STARD6: variants seen among roughly 807,000 people sequenced by gnomAD.
STARD6 encodes stAR-related lipid transfer protein 6.
In STARD6, 21 loss-of-function variants were observed where a neutral mutation model predicts 22.3. The observed-to-expected ratio is 0.94, with a 90% CI of 0.67 to 1.35. The LOEUF is 1.35. Ranked by LOEUF, STARD6 falls within the 40% of genes most tolerant of loss-of-function variation. STARD6 has a pLI of 0.00. For missense variants in STARD6, 269 were observed against 266.9 expected (o/e 1.01, Z -0.05); for synonymous variants, 80 against 88.1 (o/e 0.91, Z 0.52).
intron 5 of STARD6, among the ~76,000 whole-genome samples, chr18:54,332,337 C>T (rs995284267): frequency 6.6e-6 from 1 of 152,192 alleles, no homozygotes; most frequent in African/African-American, 2.4e-5. Flanking sequence ...CTTGAATGGC[C>T]TAACTGCACA....
intron 4 of STARD6, among the ~76,000 whole-genome samples, chr18:54,353,363 A>G (rs1455273172): frequency 6.6e-6 from 1 of 152,224 alleles, no homozygotes; most frequent in East Asian, 1.9e-4. Flanking sequence ...ACAGAAAAAA[A>G]TGCATATTTA....
intron 4 of STARD6, among the ~76,000 whole-genome samples, chr18:54,340,489 CAG>C (rs1391692045): frequency 6.6e-6 from 1 of 151,928 alleles, no homozygotes; most frequent in Non-Finnish European, 1.5e-5. Flanking sequence ...AGTAAAAGAA[CAG>C]AGGAACAAAA....
intron 4 of STARD6, among the ~76,000 whole-genome samples, chr18:54,351,160 G>A (rs779670759): frequency 1.3e-5 from 2 of 152,122 alleles, no homozygotes; most frequent in Non-Finnish European, 2.9e-5. Flanking sequence ...TCTTTCAGCA[G>A]TGTTTTGCAG....
intron 5 of STARD6, among the ~76,000 whole-genome samples, chr18:54,332,634 T>C (rs1451099515): frequency 2.0e-5 from 3 of 152,230 alleles, no homozygotes; most frequent in Non-Finnish European, 4.4e-5. Flanking sequence ...TAATGATTAA[T>C]AAACTTCAGT....
chr18:54,337,271 G>A lies in STARD6; in HGVS notation c.141-20C>T. ...CGATATCTACAGTTAACAAAATAAA[G>A]AAAATTCAAAGCTTAAAAAGTTTAG... On this transcript the variant is annotated intron_variant, in intron 4 of 7. Coordinates refer to ENST00000307844, the MANE Select transcript of STARD6 (RefSeq NM_139171.2). 1.2e-6 allele frequency: 2 copies of A among 1,601,298 alleles called. No individual in the cohort carries two copies. The highest frequency in any genetic ancestry group is 1.7e-6 in the Non-Finnish European group (2 of 1,175,018).
chr18:54,337,648 TATA>T (rs1050675320), intron 4 of STARD6, among the ~76,000 whole-genome samples: 2 of 152,188 alleles, frequency 1.3e-5, no homozygotes, highest in Non-Finnish European at 2.9e-5. Flanking sequence ...GCTCTTGTGC[TATA>T]ATGACAGAAT....
Position 54,351,259 on chromosome 18 carries a change from T to G in STARD6, c.140+2795A>C, listed in dbSNP as rs537385849. ...AGTGGTTGAAAAAGGGGTTGAATTC[T>G]TTATTTCATTCTCAGCTTGGTCACT... On this transcript the variant is annotated intron_variant, in intron 4 of 7. Coordinates refer to ENST00000307844, the MANE Select transcript of STARD6 (RefSeq NM_139171.2). 3.3e-5 allele frequency among the ~76,000 whole-genome samples: 5 copies of G among 152,346 alleles called. No individual in the cohort carries two copies. In the South Asian group the frequency reaches 1.0e-3, roughly 32 times the overall value.
At chr18:54,336,812 A>T (rs1187264656) in intron 5 of STARD6, among the ~76,000 whole-genome samples, 4 of 152,228 alleles carry the variant, frequency 2.6e-5, no homozygotes, top group African/African-American at 9.6e-5. Flanking sequence ...ACTTCCCATC[A>T]ATAAGGCATA....
chr18:54,339,782 A>G (rs1274127375), intron 4 of STARD6, among the ~76,000 whole-genome samples: 2 of 152,240 alleles, frequency 1.3e-5, no homozygotes, highest in Non-Finnish European at 2.9e-5. Context: ...ATCCTTACAA[A>G]TAAAGAGTTA....
chr18:54,326,358 G>T (rs1007281157), intron 7 of STARD6, among the ~76,000 whole-genome samples: 5 of 138,738 alleles, frequency 3.6e-5, no homozygotes, highest in Non-Finnish European at 7.6e-5. Flanking sequence ...TTGAGACGGG[G>T]TCTCACTCTG....
At chr18:54,328,655 C>A (rs1555680059) in intron 7 of STARD6, among the ~76,000 whole-genome samples, 1 of 150,364 alleles carries the variant, frequency 6.7e-6, no homozygotes, top group Non-Finnish European at 1.5e-5. Flanking sequence ...TTTTTTTGTA[C>A]TGAGACATTT....
Position 54,346,435 on chromosome 18 carries a change from T to C in STARD6, c.140+7619A>G, listed in dbSNP as rs527816404. ...AAATGTTGCTGAAGAGGTGGAGAAATTGGAACCTACATACACTGCTGTTAG... is the reference window on the plus strand; with the variant it reads ...AAATGTTGCTGAAGAGGTGGAGAAACTGGAACCTACATACACTGCTGTTAG... On this transcript the variant is annotated intron_variant, in intron 4 of 7. Transcript: ENST00000307844. Among the ~76,000 whole-genome samples, 301 of 151,950 alleles carry C rather than the reference T, an allele frequency of 2.0e-3. 2 individuals carry two copies. Among genetic ancestry groups the C allele is most frequent in the Non-Finnish European group, 3.7e-3 (254 of 67,880 alleles).
chr18:54,342,592 C>T (rs992424891), intron 4 of STARD6, among the ~76,000 whole-genome samples: 4 of 127,324 alleles, frequency 3.1e-5, no homozygotes, highest in African/African-American at 1.3e-4. Context: ...CTGCCTCAGC[C>T]TGCCGAGTGC....
chr18:54,333,795 T>C (rs2088886127), intron 5 of STARD6, among the ~76,000 whole-genome samples: 1 of 152,164 alleles, frequency 6.6e-6, no homozygotes, highest in Admixed American at 6.5e-5. Context: ...ATGGCAGATA[T>C]GTGGGATGTT....
At chr18:54,325,352 T>C (rs2088816895) in intron 7 of STARD6, among the ~76,000 whole-genome samples, 1 of 152,158 alleles carries the variant, frequency 6.6e-6, no homozygotes, top group Non-Finnish European at 1.5e-5. Context: ...CTGCAACTAG[T>C]TTTATTTTTA....
At chr18:54,335,591 T>C (rs2088903458) in intron 5 of STARD6, among the ~76,000 whole-genome samples, 1 of 152,124 alleles carries the variant, frequency 6.6e-6, no homozygotes, top group Non-Finnish European at 1.5e-5. Flanking sequence ...TCTTCATCCT[T>C]GTTTCTACTT....
At chr18:54,339,532 G>T (rs1338302259) in intron 4 of STARD6, among the ~76,000 whole-genome samples, 2 of 151,194 alleles carry the variant, frequency 1.3e-5, no homozygotes, top group African/African-American at 4.8e-5. Context: ...CTGACAGCTG[G>T]CATGCCATTA....
At chr18:54,354,220 A>G (rs1230692057) in intron 3 of STARD6, 117 bp from the exon 4 acceptor site, 1 of 659,786 alleles carries the variant, frequency 1.5e-6, no homozygotes, top group Non-Finnish European at 2.6e-6. Flanking sequence ...AAAAAAATAT[A>G]TATATATATT....
intron 4 of STARD6, among the ~76,000 whole-genome samples, chr18:54,349,465 A>G (rs1483080214): frequency 6.6e-6 from 1 of 152,150 alleles, no homozygotes; most frequent in African/African-American, 2.4e-5. Context: ...CAGAGAGGTA[A>G]GTGGGGCCCA....
Sources: allele counts gnomAD v4.1 joint callset (sites outside exome capture counted in the v4.1 genomes callset), GRCh38; gene constraint gnomAD v4.1.1; transcripts MANE v1.5; gene names NCBI Gene and HGNC (gene_info 2026-07-23, HGNC 2026-07-21).